Variants in CWF19L2 observed in about 807,000 individuals in gnomAD.
CWF19L2 encodes CWF19 like cell cycle control factor 2, also known as CWF19-like protein 2.
Under a neutral mutation model 111.7 loss-of-function variants are expected in CWF19L2, and 98 were observed. The observed-to-expected ratio is 0.88, with a 90% CI of 0.75 to 1.04. CWF19L2 has a LOEUF of 1.04. CWF19L2 is among the 50% of genes least tolerant of loss of function. The pLI is 0.00. For synonymous variants in CWF19L2, 351 were observed against 342.9 expected (o/e 1.02, Z -0.26); for missense variants, 1,101 against 1,051.4 (o/e 1.05, Z -0.65).
At chr11:107,438,459 A>G (rs1861572485) in intron 6 of CWF19L2, among the ~76,000 whole-genome samples, 1 of 152,170 alleles carries the variant, frequency 6.6e-6, no homozygotes, top group South Asian at 2.1e-4. Context: ...TTTATACATT[A>G]TTTTCATGAA....
intron 10 of CWF19L2, among the ~76,000 whole-genome samples, chr11:107,397,354 A>G (rs913933550): frequency 2.0e-5 from 3 of 152,112 alleles, no homozygotes; most frequent in Admixed American, 2.0e-4. Context: ...CTGGCCCTTC[A>G]GTTTGCATGG....
chr11:107,390,182 G>A lies in CWF19L2; in HGVS notation c.1764C>T (p.Val588=), dbSNP rs1860827351. 1 of 1,609,854 alleles carries A rather than the reference G, an allele frequency of 6.2e-7. No individual in the cohort carries two copies. Among genetic ancestry groups the A allele is most frequent in the Non-Finnish European group, 8.5e-7 (1 of 1,177,596 alleles). ...GATTATCATCATCATGAAAGTATCT[G>A]ACCCTTTCTCTTTCCTCATGGGTTG... ...MVSTHEERER[V]RYFHDDDNLS... Residue 588 remains valine, a synonymous_variant, in exon 12 of 18, where the codon GTC becomes GTT. Coordinates refer to ENST00000282251, the MANE Select transcript of CWF19L2 (RefSeq NM_152434.3).
intron 13 of CWF19L2, among the ~76,000 whole-genome samples, chr11:107,351,802 C>T (rs920579865): frequency 2.6e-5 from 4 of 152,136 alleles, no homozygotes; most frequent in Admixed American, 2.6e-4. Flanking sequence ...AAGACTATGC[C>T]TCAAGAGGCC....
Position 107,455,661 on chromosome 11 carries a change from T to C in CWF19L2, c.216+5A>G. 1 of 1,503,740 alleles carries C rather than the reference T, an allele frequency of 6.7e-7. No individual in the cohort carries two copies. The highest frequency in any genetic ancestry group is 9.0e-7 in the Non-Finnish European group (1 of 1,109,042). 93.1% of individuals were successfully genotyped at this position (1,503,740 alleles called of 1,614,324 possible). A position where few individuals can be genotyped will look rare whatever the true frequency, so the allele number is the denominator to read the frequency against. ...CTTACATCACGTAAACCTGTTAGTA[T>C]TCACCTGTGAGAACTGTTCAATTCT... On this transcript the variant is annotated splice_donor_5th_base_variant and intron_variant, in intron 2 of 17. Transcript: ENST00000282251.
chr11:107,444,187 T>G (rs1238363808), intron 3 of CWF19L2, among the ~76,000 whole-genome samples: 1 of 151,756 alleles, frequency 6.6e-6, no homozygotes, highest in Non-Finnish European at 1.5e-5. Context: ...GCTTCCATTC[T>G]CAGATGAACT....
At position 107,454,449 on chromosome 11, in the gene CWF19L2, C is replaced by T; in HGVS notation, c.339+1G>A. 7.1e-7 allele frequency: 1 copy of T among 1,416,694 alleles called. No individual in the cohort carries two copies. The highest frequency in any genetic ancestry group is 1.7e-5 in the South Asian group (1 of 59,074). 87.8% of individuals were successfully genotyped at this position (1,416,694 alleles called of 1,614,324 possible). The stretch of plus-strand genomic sequence containing the variant: ...TTTGATTAATTTTAGTACATACTTA[C>T]TGATGAGCTATCAGATGACTCATTG... On this transcript the variant is annotated splice_donor_variant, in intron 3 of 17. Coordinates refer to ENST00000282251, the MANE Select transcript of CWF19L2 (RefSeq NM_152434.3). LOFTEE classifies it high-confidence loss of function.
intron 12 of CWF19L2, among the ~76,000 whole-genome samples, chr11:107,368,700 G>A (rs1236794091): frequency 7.3e-6 from 1 of 137,668 alleles, no homozygotes; most frequent in Non-Finnish European, 1.6e-5. Flanking sequence ...AAATAGCTAA[G>A]GGTTTACCAT....
intron 12 of CWF19L2, among the ~76,000 whole-genome samples, chr11:107,361,005 T>G (rs921018567): frequency 2.6e-5 from 4 of 152,240 alleles, no homozygotes; most frequent in South Asian, 2.1e-4. Flanking sequence ...TTTTGAGGTC[T>G]TAGTAATGAA....
chr11:107,345,647 TCTC>T (rs1309761494), intron 14 of CWF19L2, among the ~76,000 whole-genome samples: 2 of 152,096 alleles, frequency 1.3e-5, no homozygotes, highest in African/African-American at 4.8e-5. Context: ...TTTAAGTACT[TCTC>T]CTCTCTCTTT....
chr11:107,398,195 C>G (rs1014340355), intron 10 of CWF19L2, among the ~76,000 whole-genome samples: 7 of 151,704 alleles, frequency 4.6e-5, no homozygotes, highest in African/African-American at 1.7e-4. Flanking sequence ...GATTTCTAAC[C>G]TGAAAAAGAA....
At chr11:107,338,559 C>T (rs187784429) in intron 14 of CWF19L2, among the ~76,000 whole-genome samples, 1,888 of 152,230 alleles carry the variant, frequency 0.012, 23 homozygotes, top group Middle Eastern at 0.038. Context: ...GATGCTCTCC[C>T]TCCTCCCACC....
intron 4 of CWF19L2, among the ~76,000 whole-genome samples, chr11:107,442,678 T>A (rs1861634633): frequency 6.8e-6 from 1 of 147,190 alleles, no homozygotes; most frequent in Non-Finnish European, 1.5e-5. Context: ...AGTGAGACCC[T>A]GTCTCTAAAA....
intron 12 of CWF19L2, among the ~76,000 whole-genome samples, chr11:107,376,359 T>C (rs1860599678): frequency 1.1e-5 from 1 of 91,828 alleles, no homozygotes; most frequent in East Asian, 3.2e-4. Context: ...GATGCAAAAA[T>C]CCTCAATAAA....
chr11:107,355,638 A>G (rs539651437), intron 12 of CWF19L2, among the ~76,000 whole-genome samples: 1 of 152,338 alleles, frequency 6.6e-6, no homozygotes, highest in East Asian at 1.9e-4. Context: ...TCAAGAGGAC[A>G]CAACATTCTG....
At chr11:107,352,178 T>G (rs614594) in intron 13 of CWF19L2, among the ~76,000 whole-genome samples, 81,668 of 151,902 alleles carry the variant, frequency 0.54, 23,017 homozygotes, top group African/African-American at 0.72. Context: ...AATACTGAAA[T>G]GTATCCTATT....
intron 12 of CWF19L2, among the ~76,000 whole-genome samples, chr11:107,380,254 A>G (rs1254048372): frequency 6.6e-6 from 1 of 152,176 alleles, no homozygotes; most frequent in Non-Finnish European, 1.5e-5. Context: ...TTCAAATTTT[A>G]TGACAATGTT....
chr11:107,423,748 C>A (rs1374703879), intron 8 of CWF19L2, among the ~76,000 whole-genome samples: 1 of 151,796 alleles, frequency 6.6e-6, no homozygotes, highest in Non-Finnish European at 1.5e-5. Context: ...TATTGAGCTC[C>A]ATATCCAGAA....
intron 4 of CWF19L2, among the ~76,000 whole-genome samples, chr11:107,442,306 C>T (rs1350088221): frequency 1.3e-5 from 2 of 152,182 alleles, no homozygotes; most frequent in Admixed American, 1.3e-4. Flanking sequence ...TTTTCAAAGT[C>T]TAATTGTTCT....
chr11:107,443,933 C>T (rs1861667004), intron 3 of CWF19L2, among the ~76,000 whole-genome samples: 1 of 152,144 alleles, frequency 6.6e-6, no homozygotes, highest in Admixed American at 6.5e-5. Flanking sequence ...TGTGCCTATC[C>T]TTATTTCCAG....
Sources: allele counts gnomAD v4.1 joint callset (sites outside exome capture counted in the v4.1 genomes callset), GRCh38; gene constraint gnomAD v4.1.1; transcripts MANE v1.5; gene names NCBI Gene and HGNC (gene_info 2026-07-23, HGNC 2026-07-21).